The following STON1 variants were observed in gnomAD, a reference collection of about 807,000 sequenced individuals.
STON1 encodes stonin-1.
In STON1, 79 loss-of-function variants were observed where a neutral mutation model predicts 60.9. The observed-to-expected ratio is 1.30, with a 90% confidence interval of 1.08 to 1.56. The LOEUF (loss-of-function observed/expected upper bound fraction) is 1.56. Ranked by LOEUF, STON1 falls within the 40% of genes most tolerant of loss-of-function variation. The pLI, the probability that STON1 is intolerant of heterozygous loss-of-function variation, is 0.00. For missense variants in STON1, 1,166 were observed against 858.9 expected (o/e 1.36, Z -4.47); for synonymous variants, 363 against 306.9 (o/e 1.18, Z -1.91).
At chr2:48,540,231 T>C (rs909618168) in intron 1 of STON1, among the ~76,000 whole-genome samples, 2 of 152,200 alleles carry the variant, frequency 1.3e-5, no homozygotes, top group African/African-American at 2.4e-5. Context: ...TGTGGTGTTA[T>C]GATATATACT....
intron 1 of STON1, among the ~76,000 whole-genome samples, chr2:48,570,859 T>G (rs1242493688): frequency 1.4e-5 from 2 of 141,138 alleles, no homozygotes; most frequent in Non-Finnish European, 3.1e-5. Context: ...TTTTTTTTTT[T>G]TTTTTTTTTT....
rs72872783 is a variant in STON1, at chr2:48,544,267, G to A, written c.-48+14051G>A. Among the ~76,000 whole-genome samples the A allele has an allele frequency of 3.9e-3, 593 of 152,086 alleles. 5 individuals carry two copies. The highest frequency in any genetic ancestry group is 0.013 in the African/African-American group (549 of 41,478). ...GAAAAGACTATCATGAAAATAAAAC[G>A]TAATTGGAATTATGGATTTGCCTTC... On this transcript the variant is annotated intron_variant, in intron 1 of 3. Coordinates refer to ENST00000404752, the MANE Select transcript of STON1 (RefSeq NM_006873.4).
intron 1 of STON1, among the ~76,000 whole-genome samples, chr2:48,557,240 G>C (rs1672412619): frequency 1.6e-5 from 1 of 61,610 alleles, no homozygotes; most frequent in Non-Finnish European, 3.2e-5. Context: ...CAGGCAGAGG[G>C]TCTCCTCACT....
intron 2 of STON1, among the ~76,000 whole-genome samples, chr2:48,588,651 G>A (rs1572645769): frequency 6.6e-6 from 1 of 152,192 alleles, no homozygotes. Context: ...ACCGCACCTG[G>A]CAAGAACATA....
chr2:48,563,002 A>G (rs1672672586), intron 1 of STON1, among the ~76,000 whole-genome samples: 1 of 152,228 alleles, frequency 6.6e-6, no homozygotes, highest in Non-Finnish European at 1.5e-5. Context: ...AGACTGACTG[A>G]CCTTGCCCTC....
intron 1 of STON1, chr2:48,531,472 G>C (rs1045973272): frequency 2.0e-5 from 3 of 152,404 alleles, no homozygotes; most frequent in African/African-American, 7.2e-5. Flanking sequence ...TCTGTCAGTA[G>C]TTATTATGGT....
At position 48,541,704 on chromosome 2, in the gene STON1, A is replaced by C. The variant is rs1303032556; in HGVS notation, c.-48+11488A>C. Among the ~76,000 whole-genome samples, 421 of 147,026 alleles carry C rather than the reference A, an allele frequency of 2.9e-3. 1 individual carries two copies. Among genetic ancestry groups the C allele is most frequent in the African/African-American group, 0.01 (398 of 38,462 alleles). On this transcript the variant is annotated intron_variant, in intron 1 of 3. Coordinates refer to ENST00000404752, the MANE Select transcript of STON1 (RefSeq NM_006873.4). ...ACAAGAGTGAAACTTCGTCTCAAAAAAAAAAAAAAAAAAAAAAAACCACAC... is the reference window on the plus strand; with the variant it reads ...ACAAGAGTGAAACTTCGTCTCAAAACAAAAAAAAAAAAAAAAAAACCACAC...
intron 1 of STON1, among the ~76,000 whole-genome samples, chr2:48,553,168 G>A (rs940896252): frequency 6.6e-6 from 1 of 152,104 alleles, no homozygotes; most frequent in Non-Finnish European, 1.5e-5. Flanking sequence ...CAGTGACAGC[G>A]CCCACCAGAT....
intron 2 of STON1, among the ~76,000 whole-genome samples, chr2:48,587,806 T>C (rs1674299036): frequency 6.6e-6 from 1 of 152,228 alleles, no homozygotes; most frequent in African/African-American, 2.4e-5. Flanking sequence ...AGCTGCTTTA[T>C]TGAGATCAGG....
intron 1 of STON1, among the ~76,000 whole-genome samples, chr2:48,551,187 C>G (rs1672088666): frequency 6.6e-6 from 1 of 152,286 alleles, no homozygotes; most frequent in Admixed American, 6.5e-5. Context: ...TTGTGTCAGG[C>G]ACCCTAGTTA....
chr2:48,534,965 C>T (rs1395981115), intron 1 of STON1, among the ~76,000 whole-genome samples: 1 of 152,124 alleles, frequency 6.6e-6, no homozygotes, highest in Admixed American at 6.6e-5. Context: ...AGAAGAATCC[C>T]GAATTCCATG....
chr2:48,566,066 T>A (rs1015322302), intron 1 of STON1, among the ~76,000 whole-genome samples: 7 of 152,228 alleles, frequency 4.6e-5, no homozygotes, highest in African/African-American at 1.7e-4. Flanking sequence ...AGCTGGACAT[T>A]AGTTAAAGTG....
At chr2:48,545,440 A>G (rs1280638358) in intron 1 of STON1, among the ~76,000 whole-genome samples, 1 of 152,142 alleles carries the variant, frequency 6.6e-6, no homozygotes, top group African/African-American at 2.4e-5. Context: ...CCCCGGCCAG[A>G]CATGTGTCCC....
At chr2:48,589,523 G>A (rs1674398294) in intron 2 of STON1, among the ~76,000 whole-genome samples, 1 of 152,216 alleles carries the variant, frequency 6.6e-6, no homozygotes, top group South Asian at 2.1e-4. Context: ...AAGAGGGAGT[G>A]TGTTACTAAA....
At chr2:48,560,050 A>G (rs780219801) in intron 1 of STON1, among the ~76,000 whole-genome samples, 6 of 152,168 alleles carry the variant, frequency 3.9e-5, no homozygotes, top group Non-Finnish European at 8.8e-5. Context: ...TCTCCTCTCA[A>G]AACACTAAAA....
intron 2 of STON1, among the ~76,000 whole-genome samples, chr2:48,583,710 T>G (rs972809344): frequency 2.0e-5 from 3 of 151,310 alleles, no homozygotes; most frequent in African/African-American, 7.3e-5. Context: ...GATGCATTCA[T>G]GCATCCATCG....
rs143559436 is a variant in STON1 at position 48,549,689 on chromosome 2, G to A, written c.-48+19473G>A. On this transcript the variant is annotated intron_variant, in intron 1 of 3. Transcript: ENST00000404752. Reference sequence around the variant, plus strand: ...TACCCGGGTGTGGTGATGGGCTCCTGTAATCCCAGCTACTTGGGAAGCTGA... The same window carrying A: ...TACCCGGGTGTGGTGATGGGCTCCTATAATCCCAGCTACTTGGGAAGCTGA... Among the ~76,000 whole-genome samples, 1,015 of 151,822 alleles carry A rather than the reference G, an allele frequency of 6.7e-3. 7 individuals are homozygous for A. The highest frequency in any genetic ancestry group is 9.6e-3 in the Non-Finnish European group (653 of 67,974).
intron 1 of STON1, among the ~76,000 whole-genome samples, chr2:48,546,324 C>T (rs1671864993): frequency 6.6e-6 from 1 of 152,252 alleles, no homozygotes. Flanking sequence ...CTGGCTCCAG[C>T]TTGGCTGTCT....
chr2:48,532,552 C>T (rs907567415), intron 1 of STON1, among the ~76,000 whole-genome samples: 1 of 152,032 alleles, frequency 6.6e-6, no homozygotes, highest in African/African-American at 2.4e-5. Flanking sequence ...CTTCCTCTTC[C>T]TGAGAATTTT....
Sources: allele counts gnomAD v4.1 joint callset (sites outside exome capture counted in the v4.1 genomes callset), GRCh38; gene constraint gnomAD v4.1.1; transcripts MANE v1.5; gene names NCBI Gene and HGNC (gene_info 2026-07-23, HGNC 2026-07-21).